TLE1: variants seen among roughly 807,000 people sequenced by gnomAD.
TLE1 encodes TLE family member 1, transcriptional corepressor, also known as transducin-like enhancer protein 1.
In TLE1, 21 loss-of-function variants were observed where a neutral mutation model predicts 89.8. That is an observed-to-expected ratio of 0.23 (90% CI 0.17 to 0.34). TLE1 has a LOEUF of 0.34. Ranked by LOEUF, TLE1 falls within the 10% of genes least tolerant of loss-of-function variation. TLE1 has a pLI of 1.00. For synonymous variants in TLE1, 447 were observed against 407.6 expected (o/e 1.10, Z -1.16); for missense variants, 795 against 1,031.2 (o/e 0.77, Z 3.14).
rs1297086754 is a variant in TLE1, at chr9:81,584,536, A to G, written c.2129-12T>C. 1.9e-6 allele frequency: 3 copies of G among 1,613,320 alleles called. No homozygotes were observed. On this transcript the variant is annotated splice_polypyrimidine_tract_variant and intron_variant, in intron 18 of 19. Coordinates refer to ENST00000376499, the MANE Select transcript of TLE1 (RefSeq NM_005077.5). ...CACAAACCATTTACCTAGAATTAGCAAAGGAATATCTAGTTTTCACAAGGT... is the reference window on the plus strand; with the variant it reads ...CACAAACCATTTACCTAGAATTAGCGAAGGAATATCTAGTTTTCACAAGGT...
intron 10 of TLE1, 66 bp from the exon 11 acceptor site, chr9:81,616,200 A>G: frequency 1.3e-6 from 2 of 1,536,042 alleles, no homozygotes; most frequent in Non-Finnish European, 1.7e-6. Context: ...CCCTTTCCAC[A>G]CTCATTCTCT....
chr9:81,684,924 G>C (rs1239580275), intron 4 of TLE1, among the ~76,000 whole-genome samples: 5 of 152,104 alleles, frequency 3.3e-5, no homozygotes, highest in Admixed American at 3.3e-4. Flanking sequence ...CTCTTATGAG[G>C]TCCTTAGTGC....
At chr9:81,687,997 G>C (rs549181673) in intron 1 of TLE1, among the ~76,000 whole-genome samples, 5 of 152,090 alleles carry the variant, frequency 3.3e-5, no homozygotes, top group Admixed American at 3.3e-4. Flanking sequence ...TGTCCGCTCG[G>C]TATAGACGTC....
chr9:81,601,618 TCTAA>T (rs1442028543), intron 14 of TLE1, among the ~76,000 whole-genome samples: 2 of 146,794 alleles, frequency 1.4e-5, no homozygotes, highest in Non-Finnish European at 3.0e-5. Flanking sequence ...AAAAAAAAAG[TCTAA>T]CTAAACTTTG....
intron 4 of TLE1, among the ~76,000 whole-genome samples, chr9:81,664,030 A>T (rs1287781327): frequency 2.0e-5 from 3 of 152,180 alleles, no homozygotes; most frequent in Non-Finnish European, 2.9e-5. Context: ...AGAAAGAATG[A>T]TGCATCAACC....
At chr9:81,619,359 T>C (rs1190070701) in intron 9 of TLE1, among the ~76,000 whole-genome samples, 3 of 152,206 alleles carry the variant, frequency 2.0e-5, no homozygotes, top group African/African-American at 7.2e-5. Flanking sequence ...TTGCACATCT[T>C]AGCATTGTGT....
At chr9:81,668,607 T>C (rs527640562) in intron 4 of TLE1, among the ~76,000 whole-genome samples, 2 of 152,134 alleles carry the variant, frequency 1.3e-5, no homozygotes, top group Admixed American at 1.3e-4. Context: ...AAGATAACAA[T>C]CAACCTACTT....
At chr9:81,606,209 A>C (rs1372822884) in intron 14 of TLE1, among the ~76,000 whole-genome samples, 1 of 152,234 alleles carries the variant, frequency 6.6e-6, no homozygotes, top group South Asian at 2.1e-4. Context: ...GGAAGACAGC[A>C]TGGCAATTCC....
intron 16 of TLE1, among the ~76,000 whole-genome samples, chr9:81,589,183 G>C (rs1345903372): frequency 6.6e-6 from 1 of 152,124 alleles, no homozygotes; most frequent in Non-Finnish European, 1.5e-5. Flanking sequence ...CCTTCAAACA[G>C]CTCTGGAAAT....
chr9:81,684,036 A>G (rs1461932171), intron 4 of TLE1, among the ~76,000 whole-genome samples: 1 of 152,100 alleles, frequency 6.6e-6, no homozygotes, highest in Non-Finnish European at 1.5e-5. Context: ...CTTGTAAAAG[A>G]GTCAATGAGG....
intron 6 of TLE1, among the ~76,000 whole-genome samples, chr9:81,635,985 T>G (rs977346323): frequency 6.6e-6 from 1 of 152,072 alleles, no homozygotes; most frequent in South Asian, 2.1e-4. Flanking sequence ...ATAGGGAGAT[T>G]CCATCTCTAT....
Position 81,687,375 on chromosome 9 carries a change from C to G in TLE1, c.84G>C (p.Arg28=). The G allele has an allele frequency of 6.2e-7, 1 of 1,610,396 alleles. No individual in the cohort carries two copies. Among genetic ancestry groups the G allele is most frequent in the African/African-American group, 1.3e-5 (1 of 75,008 alleles). Reference sequence around the variant, plus strand: ...GCAGGAACTGGAATTCCTCTTTAATCCGGTCCAGGGACTCCGGGATAGTGA... The same window carrying G: ...GCAGGAACTGGAATTCCTCTTTAATGCGGTCCAGGGACTCCGGGATAGTGA... ...FKFTIPESLD[R]IKEEFQFLQA... is the part of the protein sequence containing the mutation. The change falls in exon 2 of 20, where the codon CGG becomes CGC. Residue 28 remains arginine (R), a synonymous_variant. Transcript: ENST00000376499.
intron 18 of TLE1, among the ~76,000 whole-genome samples, chr9:81,585,045 A>G (rs982731216): frequency 1.3e-5 from 2 of 152,084 alleles, no homozygotes; most frequent in African/African-American, 4.8e-5. Context: ...GCAGCACACA[A>G]GAAGGGTCAC....
chr9:81,617,778 C>T (rs994651257), intron 9 of TLE1, among the ~76,000 whole-genome samples: 24 of 152,042 alleles, frequency 1.6e-4, no homozygotes, highest in African/African-American at 5.1e-4. Flanking sequence ...ATAATCCCAG[C>T]ACTTTGGGAG....
rs779634427 is a variant in TLE1 at position 81,634,259 on chromosome 9, G to A, written c.415C>T (p.Pro139Ser). ...GGGTGAGGCGTAAGGGGAACTGGGGGTCCGTGGCCATGAGAAAGATGCTGA... is the reference window on the plus strand; with the variant it reads ...GGGTGAGGCGTAAGGGGAACTGGGGATCCGTGGCCATGAGAAAGATGCTGA... Reference protein sequence around the residue: ...QAQHLSHGHGPPVPLTPHPSG... With the variant: ...QAQHLSHGHGSPVPLTPHPSG... The change falls in exon 7 of 20, where the codon CCC (proline) becomes TCC (serine). Residue 139 changes from proline to serine, a missense_variant. Pro to Ser is a moderately conservative substitution (Grantham distance 74, BLOSUM62 -1). Transcript: ENST00000376499. 3 of 1,561,980 alleles carry A rather than the reference G, an allele frequency of 1.9e-6. No individual in the cohort carries two copies. The highest frequency in any genetic ancestry group is 1.8e-5 in the Admixed American group (1 of 54,496).
At chr9:81,652,417 A>C in intron 5 of TLE1, 129 bp from the exon 6 acceptor site, 1 of 649,594 alleles carries the variant, frequency 1.5e-6, no homozygotes, top group Non-Finnish European at 2.6e-6. Flanking sequence ...AGAATTTCTC[A>C]ACCACACTTT....
chr9:81,684,878 G>C (rs1834069377), intron 4 of TLE1, among the ~76,000 whole-genome samples: 1 of 152,170 alleles, frequency 6.6e-6, no homozygotes, highest in Admixed American at 6.5e-5. Flanking sequence ...ACTCAATCGA[G>C]GGTCCTTTGG....
At chr9:81,585,393 C>A in intron 18 of TLE1, 112 bp downstream of exon 18, 1 of 1,332,128 alleles carries the variant, frequency 7.5e-7, no homozygotes, top group Non-Finnish European at 1.0e-6. Context: ...ATTATTGCAT[C>A]CAGCTGCTCG....
chr9:81,688,043 A>T (rs1466227592), intron 1 of TLE1, among the ~76,000 whole-genome samples, 174 bp downstream of exon 1: 7 of 152,014 alleles, frequency 4.6e-5, no homozygotes, highest in African/African-American at 1.7e-4. Flanking sequence ...GAGAAAATTA[A>T]GAGTTTCGGC....
Sources: allele counts gnomAD v4.1 joint callset (sites outside exome capture counted in the v4.1 genomes callset), GRCh38; gene constraint gnomAD v4.1.1; transcripts MANE v1.5; gene names NCBI Gene and HGNC (gene_info 2026-07-23, HGNC 2026-07-21).